Variants in RBFOX1 observed in about 807,000 individuals in gnomAD.
RBFOX1 encodes RNA binding protein fox-1 homolog 1.
Under a neutral mutation model 57.7 loss-of-function variants are expected in RBFOX1, and 8 were observed. That is an observed-to-expected ratio of 0.14 (90% CI 0.08 to 0.25). The LOEUF is 0.25. Among genes scored for constraint, RBFOX1 ranks in the 10% least tolerant of loss-of-function variants. The pLI, the probability that RBFOX1 is intolerant of heterozygous loss-of-function variation, is 1.00. For synonymous variants in RBFOX1, 326 were observed against 222.4 expected, an observed-to-expected ratio of 1.47 and a Z score of -4.15; for missense variants, 611 against 548.5, an observed-to-expected ratio of 1.11 and a Z score of -1.14.
At chr16:6,738,767 A>G (rs752469540) in intron 3 of RBFOX1, among the ~76,000 whole-genome samples, 5 of 152,158 alleles carry the variant, frequency 3.3e-5, no homozygotes, top group Non-Finnish European at 7.3e-5. Context: ...ATGTAAAGAC[A>G]GTGAAATCTT....
At chr16:7,157,864 A>G (rs1284632932) in intron 4 of RBFOX1, among the ~76,000 whole-genome samples, 2 of 152,188 alleles carry the variant, frequency 1.3e-5, no homozygotes, top group African/African-American at 4.8e-5. Context: ...GAGGACAAAT[A>G]TATTTCAGCT....
intron 1 of RBFOX1, among the ~76,000 whole-genome samples, chr16:5,304,513 A>G (rs1459291262): frequency 6.6e-6 from 1 of 152,204 alleles, no homozygotes. Flanking sequence ...ACAAAATCCT[A>G]TCTCAGTGCG....
intron 4 of RBFOX1, among the ~76,000 whole-genome samples, chr16:7,074,427 T>A (rs930550754): frequency 2.6e-5 from 4 of 152,170 alleles, no homozygotes; most frequent in African/African-American, 9.7e-5. Flanking sequence ...ATCAACCTAA[T>A]AAAATTGACA....
At position 6,887,121 on chromosome 16, in the gene RBFOX1, G is replaced by A. The variant is rs571075328; in HGVS notation, c.-15-164936G>A. Among the ~76,000 whole-genome samples, 310 of 152,262 alleles carry A rather than the reference G, an allele frequency of 2.0e-3. 1 individual carries two copies. The highest frequency in any genetic ancestry group is 2.8e-3 in the Non-Finnish European group (192 of 68,030). ...TCATGTCCCTCACCAAACTCATGAA[G>A]TTCCTTTACATTGTTATTGTTGACT... On this transcript the variant is annotated intron_variant, in intron 3 of 15. Coordinates refer to ENST00000550418, the MANE Select transcript of RBFOX1 (RefSeq NM_018723.4).
Position 6,226,945 on chromosome 16 carries a change from C to CT in RBFOX1, c.-126-90049dup, listed in dbSNP as rs1326515506. ...CCAACATGATGAAACCCCATCTCTA[C>CT]TAAAAAAAAAAAAAAAAAAAATACA... On this transcript the variant is annotated intron_variant, in intron 1 of 15. Coordinates refer to ENST00000550418, the MANE Select transcript of RBFOX1 (RefSeq NM_018723.4). Among the ~76,000 whole-genome samples the CT allele has an allele frequency of 8.7e-3, 1,124 of 129,138 alleles. 7 individuals carry two copies. Among genetic ancestry groups the CT allele is most frequent in the Non-Finnish European group, 0.013 (813 of 63,634 alleles). The allele number at this position is 129,138 out of a possible 152,430, so 84.7% of individuals were successfully genotyped here. A position where few individuals can be genotyped will look rare whatever the true frequency, so the allele number is the denominator to read the frequency against.
At chr16:6,379,523 A>C (rs936550708) in intron 2 of RBFOX1, among the ~76,000 whole-genome samples, 2 of 152,150 alleles carry the variant, frequency 1.3e-5, no homozygotes, top group African/African-American at 4.8e-5. Flanking sequence ...CACTGAAAAA[A>C]ACTGAGTATG....
chr16:7,355,797 A>C (rs1408284588), intron 4 of RBFOX1, among the ~76,000 whole-genome samples: 5 of 152,232 alleles, frequency 3.3e-5, no homozygotes, highest in Non-Finnish European at 5.9e-5. Context: ...TCAATCTTTT[A>C]AGTTTTTGCC....
intron 1 of RBFOX1, among the ~76,000 whole-genome samples, chr16:6,251,090 G>T (rs931593673): frequency 1.3e-5 from 2 of 152,126 alleles, no homozygotes; most frequent in African/African-American, 4.8e-5. Context: ...AGCTTGTCAT[G>T]ATATAGCCAT....
chr16:7,070,657 C>T (rs997191747), intron 4 of RBFOX1, among the ~76,000 whole-genome samples: 13 of 152,188 alleles, frequency 8.5e-5, no homozygotes, highest in Admixed American at 4.6e-4. Flanking sequence ...GCAGAGCCAT[C>T]TCCCTTGGCA....
intron 2 of RBFOX1, among the ~76,000 whole-genome samples, chr16:6,574,230 G>T (rs545607383): frequency 1.3e-5 from 2 of 151,960 alleles, no homozygotes; most frequent in Non-Finnish European, 2.9e-5. Context: ...TGTAAAGTGG[G>T]CTCCAGCATA....
intron 4 of RBFOX1, among the ~76,000 whole-genome samples, chr16:7,113,463 C>T (rs903139395): frequency 1.3e-5 from 2 of 152,114 alleles, no homozygotes; most frequent in Non-Finnish European, 2.9e-5. Context: ...CTCCCACTTC[C>T]CTTTCGATCT....
intron 1 of RBFOX1, among the ~76,000 whole-genome samples, chr16:6,257,171 A>G (rs1411166434): frequency 2.0e-5 from 3 of 152,156 alleles, no homozygotes; most frequent in Admixed American, 6.5e-5. Flanking sequence ...TTCCACAGGT[A>G]AACATGTGCC....
chr16:6,424,397 C>T (rs1415020732), intron 2 of RBFOX1, among the ~76,000 whole-genome samples: 1 of 152,128 alleles, frequency 6.6e-6, no homozygotes, highest in East Asian at 1.9e-4. Context: ...TATAATATTG[C>T]AGTGGTTATC....
chr16:5,773,176 G>T (rs562302985), intron 3 of RBFOX1, among the ~76,000 whole-genome samples: 1 of 152,206 alleles, frequency 6.6e-6, no homozygotes, highest in Non-Finnish European at 1.5e-5. Flanking sequence ...GCTGAAGGTA[G>T]ACTTCAGGGG....
At chr16:7,492,879 C>A (rs1347318378) in intron 4 of RBFOX1, among the ~76,000 whole-genome samples, 1 of 152,050 alleles carries the variant, frequency 6.6e-6, no homozygotes, top group Non-Finnish European at 1.5e-5. Flanking sequence ...ATGCTGGCAC[C>A]AACCATGAGC....
rs560394510 is a variant in RBFOX1 at position 6,830,953 on chromosome 16, TATTTA to T, written c.-16+176307_-16+176311del. On this transcript the variant is annotated intron_variant, in intron 3 of 15. Transcript: ENST00000550418. ...GCCTGTTGTGAATCCATGGATATTT[TATTTA>T]ATTGCGATATGTAAAGTTCTCCAAA... Among the ~76,000 whole-genome samples the T allele has an allele frequency of 3.3e-3, 503 of 152,330 alleles. 3 individuals are homozygous for T. The highest frequency in any genetic ancestry group is 0.012 in the African/African-American group (480 of 41,576).
intron 1 of RBFOX1, among the ~76,000 whole-genome samples, chr16:6,248,170 AAAC>A (rs757110115): frequency 1.1e-4 from 16 of 152,220 alleles, no homozygotes; most frequent in Non-Finnish European, 2.1e-4. Context: ...TTAGTTAAAC[AAAC>A]AACAAAAAAA....
chr16:5,726,275 T>C (rs541862973), intron 3 of RBFOX1, among the ~76,000 whole-genome samples: 1 of 152,134 alleles, frequency 6.6e-6, no homozygotes, highest in East Asian at 1.9e-4. Context: ...TCTCCCTTTC[T>C]GGGGATGTAT....
At chr16:6,710,287 G>C (rs903993039) in intron 3 of RBFOX1, among the ~76,000 whole-genome samples, 38 of 152,150 alleles carry the variant, frequency 2.5e-4, no homozygotes, top group African/African-American at 8.9e-4. Context: ...CATGATTAAA[G>C]CTGCATATGT....
Sources: allele counts gnomAD v4.1 joint callset (sites outside exome capture counted in the v4.1 genomes callset), GRCh38; gene constraint gnomAD v4.1.1; transcripts MANE v1.5; gene names NCBI Gene and HGNC (gene_info 2026-07-23, HGNC 2026-07-21).